AQP9: variants seen among roughly 807,000 people sequenced by gnomAD.
AQP9 encodes the protein aquaporin-9.
Under a neutral mutation model 23.8 loss-of-function variants are expected in AQP9, and 19 were observed. The ratio of observed to expected loss-of-function variants is 0.80; its 90% CI spans 0.56 to 1.17. The LOEUF (loss-of-function observed/expected upper bound fraction) is 1.17. AQP9 is among the 50% of genes most tolerant of loss of function. AQP9 has a pLI of 0.00. For synonymous variants in AQP9, 153 were observed against 131.5 expected, an observed-to-expected ratio of 1.16 and a Z score of -1.12; for missense variants, 413 against 362.0, an observed-to-expected ratio of 1.14 and a Z score of -1.14.
intron 4 of AQP9, 57 bp downstream of exon 4, chr15:58,175,093 G>A: frequency 7.1e-7 from 1 of 1,407,892 alleles, no homozygotes; most frequent in Non-Finnish European, 1.0e-6. Flanking sequence ...TCTCATAAGG[G>A]GAATGCATTG....
chr15:58,166,917 G>A (rs1199598623), intron 2 of AQP9, 118 bp downstream of exon 2: 17 of 1,298,194 alleles, frequency 1.3e-5, no homozygotes, highest in Non-Finnish European at 1.6e-5. Context: ...GCAAGAGTGT[G>A]TATTGGATCC....
At chr15:58,171,290 T>C (rs1053881584) in intron 2 of AQP9, among the ~76,000 whole-genome samples, 1 of 152,102 alleles carries the variant, frequency 6.6e-6, no homozygotes, top group Admixed American at 6.5e-5. Context: ...CGTTTCACCA[T>C]GTTGGGCAGG....
chr15:58,138,497 T>G lies in AQP9; in HGVS notation c.-69T>G. 5 of 1,258,394 alleles carry G rather than the reference T, an allele frequency of 4.0e-6. No homozygotes were observed. Among genetic ancestry groups the G allele is most frequent in the Non-Finnish European group, 5.7e-6 (5 of 878,304 alleles). The allele number at this position is 1,258,394 out of a possible 1,614,324, so 78.0% of individuals were successfully genotyped here. On this transcript the variant is annotated 5_prime_UTR_variant, in exon 1 of 6. Coordinates refer to ENST00000219919, the MANE Select transcript of AQP9 (RefSeq NM_020980.5). ...CATTGTCAAAACGTCCATTTTCATC[T>G]GGCTGTGAAAGTGAGGACCACAACA...
intron 5 of AQP9, among the ~76,000 whole-genome samples, chr15:58,183,018 A>G (rs1029072259): frequency 4.6e-5 from 7 of 152,184 alleles, no homozygotes; most frequent in South Asian, 2.1e-4. Context: ...GGCCACATGG[A>G]ACATATGTGT....
At chr15:58,164,951 C>T (rs976305285) in intron 1 of AQP9, among the ~76,000 whole-genome samples, 1 of 152,064 alleles carries the variant, frequency 6.6e-6, no homozygotes, top group Non-Finnish European at 1.5e-5. Context: ...TGAAAAGACT[C>T]AATAGTAGGT....
At chr15:58,178,199 C>G (rs1040689227) in intron 4 of AQP9, among the ~76,000 whole-genome samples, 2 of 152,076 alleles carry the variant, frequency 1.3e-5, no homozygotes, top group African/African-American at 4.8e-5. Flanking sequence ...ACCAATCCCC[C>G]ACAGACACCA....
intron 1 of AQP9, among the ~76,000 whole-genome samples, chr15:58,147,307 A>G (rs1475226982): frequency 2.0e-5 from 3 of 152,164 alleles, no homozygotes. Flanking sequence ...AAAGGAAAAC[A>G]TACTAATGAG....
chr15:58,176,774 C>T (rs1322205342), intron 4 of AQP9, among the ~76,000 whole-genome samples: 2 of 151,936 alleles, frequency 1.3e-5, no homozygotes, highest in Non-Finnish European at 2.9e-5. Context: ...CCACTCCTGG[C>T]TAATTTTTGT....
intron 4 of AQP9, among the ~76,000 whole-genome samples, chr15:58,175,793 A>G (rs2899618): frequency 0.38 from 57,949 of 152,084 alleles, 11,537 homozygotes; most frequent in Non-Finnish European, 0.44. Flanking sequence ...TTCATCAGCT[A>G]TGCCCACCTC....
Position 58,166,758 on chromosome 15 carries a change from T to A in AQP9, c.197T>A (p.Met66Lys), listed in dbSNP as rs770039963. The A allele has an allele frequency of 1.2e-6, 2 of 1,613,922 alleles. No individual in the cohort carries two copies. The highest frequency in any genetic ancestry group is 2.7e-5 in the African/African-American group (2 of 74,930). ...GVITINVGFS[M>K]AVAMAIYVAG... ...ATCACTATCAATGTTGGATTTTCAATGGCAGTTGCAATGGCCATTTATGTG... is the reference window on the plus strand; with the variant it reads ...ATCACTATCAATGTTGGATTTTCAAAGGCAGTTGCAATGGCCATTTATGTG... The change falls in exon 2 of 6, where the codon ATG (methionine) becomes AAG (lysine). Residue 66 changes from methionine to lysine, a missense_variant. Transcript: ENST00000219919.
rs150448699 is a variant in AQP9 at position 58,179,128 on chromosome 15, G to A, written c.496G>A (p.Val166Met). 30 of 1,606,586 alleles carry A rather than the reference G, an allele frequency of 1.9e-5. No homozygotes were observed. Among genetic ancestry groups the A allele is most frequent in the Non-Finnish European group, 2.4e-5 (28 of 1,173,082 alleles). ...CCTGGCTCAACTTCTCCCTCTCCAGGTGGTGGCCACCATGATACTCCTCAT... is the reference window on the plus strand; with the variant it reads ...CCTGGCTCAACTTCTCCCTCTCCAGATGGTGGCCACCATGATACTCCTCAT... ...LSLANAFADQ[V>M]VATMILLIIV... Residue 166 changes from valine to methionine, a missense_variant and splice_region_variant, in exon 5 of 6, where the codon GTG (valine) becomes ATG (methionine). By Grantham distance (21) the Val-to-Met change is conservative (BLOSUM62 1). Coordinates refer to ENST00000219919, the MANE Select transcript of AQP9 (RefSeq NM_020980.5).
chr15:58,157,558 G>A lies in AQP9; in HGVS notation c.112-9115G>A, dbSNP rs75538080. On this transcript the variant is annotated intron_variant, in intron 1 of 5. Transcript: ENST00000219919. ...TGTGGCTGTTGGGTGTGGCTCATCC[G>A]TGTGGAAAAGGCCCCTTCTAGGCCC... is the stretch of plus-strand genomic sequence containing the variant. Among the ~76,000 whole-genome samples, 897 of 152,258 alleles carry A rather than the reference G, an allele frequency of 5.9e-3. 47 individuals carry two copies. The East Asian group carries it at 0.13, about 21-fold the overall frequency.
At chr15:58,148,925 C>T (rs537418780) in intron 1 of AQP9, among the ~76,000 whole-genome samples, 2 of 152,236 alleles carry the variant, frequency 1.3e-5, no homozygotes, top group African/African-American at 2.4e-5. Context: ...GCCCTAATAT[C>T]GCCTCTTTTC....
intron 2 of AQP9, among the ~76,000 whole-genome samples, chr15:58,168,469 G>A (rs531058255): frequency 2.6e-4 from 39 of 151,912 alleles, no homozygotes; most frequent in Non-Finnish European, 4.0e-4. Flanking sequence ...ACTGAAGAAC[G>A]ATTGCTTAGA....
chr15:58,149,998 A>G (rs1326593662), intron 1 of AQP9, among the ~76,000 whole-genome samples: 1 of 152,208 alleles, frequency 6.6e-6, no homozygotes, highest in Non-Finnish European at 1.5e-5. Flanking sequence ...TCACCATGGT[A>G]TCTGCAAGGC....
rs1014661691 is a variant in AQP9, at chr15:58,175,152, A to T, written c.495+116A>T. On this transcript the variant is annotated intron_variant, in intron 4 of 5. Transcript: ENST00000219919. ...GGAGAGATTATATTTCCAAAGGCAG[A>T]GGTTGCTGGGCATAACCCAAGCTTT... is the stretch of plus-strand genomic sequence containing the variant. 5.8e-6 allele frequency: 6 copies of T among 1,035,120 alleles called. No individual in the cohort carries two copies. In the African/African-American group the frequency reaches 6.4e-5, roughly 11 times the overall value. 64.1% of individuals were successfully genotyped at this position (1,035,120 alleles called of 1,614,324 possible). A position where few individuals can be genotyped will look rare whatever the true frequency, so the allele number is the denominator to read the frequency against.
At chr15:58,170,726 A>ATACC (rs1898602087) in intron 2 of AQP9, among the ~76,000 whole-genome samples, 2 of 152,056 alleles carry the variant, frequency 1.3e-5, no homozygotes, top group Non-Finnish European at 2.9e-5. Context: ...TTTATATTGA[A>ATACC]TACCTACTAA....
At chr15:58,161,977 G>GA (rs765574741) in intron 1 of AQP9, among the ~76,000 whole-genome samples, 7 of 151,364 alleles carry the variant, frequency 4.6e-5, no homozygotes, top group South Asian at 2.1e-4. Flanking sequence ...CTGTTACAGA[G>GA]AAAAAAAAAG....
chr15:58,158,346 T>C (rs995062210), intron 1 of AQP9, among the ~76,000 whole-genome samples: 3 of 152,168 alleles, frequency 2.0e-5, no homozygotes, highest in Non-Finnish European at 4.4e-5. Flanking sequence ...AGACCTGTGA[T>C]CAAATCCTGG....
Sources: allele counts gnomAD v4.1 joint callset (sites outside exome capture counted in the v4.1 genomes callset), GRCh38; gene constraint gnomAD v4.1.1; transcripts MANE v1.5; gene names NCBI Gene and HGNC (gene_info 2026-07-23, HGNC 2026-07-21).